GPRASP1: variants seen among roughly 807,000 people sequenced by gnomAD.
The protein encoded by GPRASP1 is G protein-coupled receptor-associated sorting protein 1.
In GPRASP1, 28 loss-of-function variants were observed where a neutral mutation model predicts 68.4. That is an observed-to-expected ratio of 0.41 (90% CI 0.30 to 0.56). GPRASP1 has a LOEUF of 0.56. GPRASP1 is among the 20% of genes least tolerant of loss of function. GPRASP1 has a pLI of 0.29. For missense variants in GPRASP1, 913 were observed against 1,031.5 expected (o/e 0.89, Z 1.57); for synonymous variants, 304 against 358.2 (o/e 0.85, Z 1.71).
At position 102,656,237 on chromosome X, in the gene GPRASP1, A is replaced by G. The variant is rs760436599; in HGVS notation, c.2324A>G (p.Glu775Gly). The change falls in exon 6 of 6, where the codon GAG (glutamate) becomes GGG (glycine). Residue 775 changes from glutamate to glycine, a missense_variant. Coordinates refer to ENST00000537097, the MANE Select transcript of GPRASP1 (RefSeq NM_001184727.2). Reference sequence around the variant, plus strand: ...GAAGAGTCCAGGCCAGAAGCTGAGGAGGGGGACATTATTGGTTCTTGGTTC... The same window carrying G: ...GAAGAGTCCAGGCCAGAAGCTGAGGGGGGGGACATTATTGGTTCTTGGTTC... ...DREESRPEAEEGDIIGSWFWA... is the reference protein window; with the variant it reads ...DREESRPEAEGGDIIGSWFWA... 1 of 1,209,690 alleles carries G rather than the reference A, an allele frequency of 8.3e-7. No homozygotes were observed. The highest frequency in any genetic ancestry group is 1.1e-6 in the Non-Finnish European group (1 of 895,066).
In GPRASP1 at chrX:102,656,407, T is replaced by C. The variant is rs1481486058; in HGVS notation, c.2494T>C (p.Ser832Pro). 16 of 1,205,990 alleles carry C rather than the reference T, an allele frequency of 1.3e-5. No individual in the cohort carries two copies. The highest frequency in any genetic ancestry group is 1.7e-5 in the Non-Finnish European group (15 of 893,483). Residue 832 changes from serine (S) to proline (P), a missense_variant, in exon 6 of 6, where the codon TCC becomes CCC. Physicochemically the swap from Ser to Pro is moderately conservative, Grantham distance 74 (BLOSUM62 -1). Coordinates refer to ENST00000537097, the MANE Select transcript of GPRASP1 (RefSeq NM_001184727.2). Reference protein sequence around the residue: ...IRREAGSCSKSSPKAEEEEVI... With the variant: ...IRREAGSCSKPSPKAEEEEVI... ...AAGAGAGGCTGGGTCTTGCAGCAAA[T>C]CCAGTCCTAAAGCTGAAGAGGAAGA...
In GPRASP1 at chrX:102,654,829, G is replaced by C. The variant is rs764996943; in HGVS notation, c.916G>C (p.Glu306Gln). 11 of 1,209,930 alleles carry C rather than the reference G, an allele frequency of 9.1e-6. No homozygotes were observed. In the Admixed American group the frequency reaches 1.1e-4, roughly 12 times the overall value. ...TGGATCTGAGCATGAAGACCATTTG[G>C]AGTCCTGGTTTGGGGCTGGAAAGGA... ...SSGSEHEDHL[E>Q]SWFGAGKEAK... The change falls in exon 6 of 6, where the codon GAG becomes CAG. Residue 306 changes from glutamate to glutamine, a missense_variant. Transcript: ENST00000537097.
Position 102,656,059 on chromosome X carries a change from C to A in GPRASP1, c.2146C>A (p.Pro716Thr). 3.3e-6 allele frequency: 4 copies of A among 1,210,422 alleles called. No individual in the cohort carries two copies. Among genetic ancestry groups the A allele is most frequent in the Non-Finnish European group, 4.5e-6 (4 of 894,537 alleles). The change falls in exon 6 of 6, where the codon CCA becomes ACA. Residue 716 changes from proline to threonine, a missense_variant. By Grantham distance (38) the Pro-to-Thr change is conservative (BLOSUM62 -1). Coordinates refer to ENST00000537097, the MANE Select transcript of GPRASP1 (RefSeq NM_001184727.2). Reference sequence around the variant, plus strand: ...GTTCTGGTCCAGAAAATACACAAAGCCAGAGGCCATTATAGGGTCCTGGTT... The same window carrying A: ...GTTCTGGTCCAGAAAATACACAAAGACAGAGGCCATTATAGGGTCCTGGTT... ...SWFWSRKYTK[P>T]EAIIGSWLWA...
rs779452201 is a variant in GPRASP1, at chrX:102,653,703, A to G, written c.-211A>G. On this transcript the variant is annotated 5_prime_UTR_variant, in exon 6 of 6. Coordinates refer to ENST00000537097, the MANE Select transcript of GPRASP1 (RefSeq NM_001184727.2). ...CTTGGTTGTGCCTGTTCTACACTCT[A>G]TCTGTATTATTGAATTACTGACTGA... is the stretch of plus-strand genomic sequence containing the variant. The G allele has an allele frequency of 3.9e-5, 16 of 410,206 alleles. No homozygotes were observed. The highest frequency in any genetic ancestry group is 3.1e-4 in the East Asian group (8 of 25,614). The allele number at this position is 410,206 out of a possible 1,213,427, so 33.8% of individuals were successfully genotyped here.
Position 102,655,496 on chromosome X carries a change from C to T in GPRASP1, c.1583C>T (p.Ala528Val), listed in dbSNP as rs776862438. The stretch of plus-strand genomic sequence containing the variant: ...TCGTGGTTCTGGGTCATTGATGCGG[C>T]CAGTGTGGAATCTGGTGTTGGGGTC... Reference protein sequence around the residue: ...FGSWFWVIDAASVESGVGVSC... With the variant: ...FGSWFWVIDAVSVESGVGVSC... The change falls in exon 6 of 6, where the codon GCC (alanine) becomes GTC (valine). Residue 528 changes from alanine (A) to valine (V), a missense_variant. By Grantham distance (64) the Ala-to-Val change is moderately conservative. Coordinates refer to ENST00000537097, the MANE Select transcript of GPRASP1 (RefSeq NM_001184727.2). 5.0e-6 allele frequency: 6 copies of T among 1,208,989 alleles called. No individual in the cohort carries two copies. The highest frequency in any genetic ancestry group is 6.7e-6 in the Non-Finnish European group (6 of 894,897).
chrX:102,655,264 G>A lies in GPRASP1; in HGVS notation c.1351G>A (p.Ala451Thr), dbSNP rs754461332. 2 of 1,210,443 alleles carry A rather than the reference G, an allele frequency of 1.7e-6. No individual in the cohort carries two copies. Among genetic ancestry groups the A allele is most frequent in the Non-Finnish European group, 2.2e-6 (2 of 895,220 alleles). The change falls in exon 6 of 6, where the codon GCT (alanine) becomes ACT (threonine). Residue 451 changes from alanine to threonine, a missense_variant. By Grantham distance (58) the Ala-to-Thr change is moderately conservative. Coordinates refer to ENST00000537097, the MANE Select transcript of GPRASP1 (RefSeq NM_001184727.2). ...AGAAGAGGCCAGTATGGGGACTGGG[G>A]CTAGCAGTAAATCCAGACCAAGGAC... ...TEEEASMGTG[A>T]SSKSRPRTDG...
chrX:102,656,007 G>A lies in GPRASP1; in HGVS notation c.2094G>A (p.Glu698=). The A allele has an allele frequency of 8.3e-7, 1 of 1,211,639 alleles. No homozygotes were observed. The highest frequency in any genetic ancestry group is 1.1e-6 in the Non-Finnish European group (1 of 895,464). The change falls in exon 6 of 6, where the codon GAG becomes GAA. Residue 698 remains glutamate (E), a synonymous_variant. Coordinates refer to ENST00000537097, the MANE Select transcript of GPRASP1 (RefSeq NM_001184727.2). ...AGGGSWKSRP[E]EEEDIVNSWF... is the part of the protein sequence containing the mutation. ...GAGGAAGTTGGAAGTCTAGGCCAGA[G>A]GAGGAAGAGGACATTGTCAATTCGT...
Position 102,657,818 on chromosome X carries a change from A to G in GPRASP1, c.3905A>G (p.Asn1302Ser). 8.3e-7 allele frequency: 1 copy of G among 1,206,877 alleles called. No individual in the cohort carries two copies. Among genetic ancestry groups the G allele is most frequent in the African/African-American group, 1.7e-5 (1 of 57,794 alleles). Residue 1302 changes from asparagine to serine, a missense_variant, in exon 6 of 6, where the codon AAT becomes AGT. Asn to Ser is a conservative substitution (Grantham distance 46). Coordinates refer to ENST00000537097, the MANE Select transcript of GPRASP1 (RefSeq NM_001184727.2). ...TRFHVLKMLL[N>S]LSENLFMTKE... ...TTTCATGTTTTGAAAATGCTACTGA[A>G]TTTGTCTGAAAATCTTTTCATGACA...
chrX:102,653,511 G>C (rs1208367012), intron 5 of GPRASP1, 69 bp from the exon 6 acceptor site: 8 of 134,017 alleles, frequency 6.0e-5, no homozygotes, highest in Non-Finnish European at 1.2e-4. Flanking sequence ...CAGTCTCACT[G>C]CATATGTCTC....
rs776134683 is a variant in GPRASP1, at chrX:102,655,654, G to A, written c.1741G>A (p.Gly581Arg). ...RPGAEEETIF[G>R]SWFWAENQTY... is the part of the protein sequence containing the mutation. ...AGGAGCTGAAGAAGAGACAATATTC[G>A]GGTCCTGGTTTTGGGCTGAAAACCA... Residue 581 changes from glycine (G) to arginine (R), a missense_variant, in exon 6 of 6, where the codon GGG (glycine) becomes AGG (arginine). Physicochemically the swap from Gly to Arg is moderately radical, Grantham distance 125. Transcript: ENST00000537097. The A allele has an allele frequency of 2.0e-5, 24 of 1,211,502 alleles. No individual in the cohort carries two copies. The highest frequency in any genetic ancestry group is 1.5e-4 in the East Asian group (5 of 33,826).
chrX:102,656,524 G>A lies in GPRASP1; in HGVS notation c.2611G>A (p.Glu871Lys), dbSNP rs866280587. Residue 871 changes from glutamate to lysine, a missense_variant, in exon 6 of 6, where the codon GAA (glutamate) becomes AAA (lysine). Coordinates refer to ENST00000537097, the MANE Select transcript of GPRASP1 (RefSeq NM_001184727.2). The part of the protein sequence containing the change: ...GFESKPGTEE[E>K]EITVGSWFWP... ...TGAGTCAAAGCCTGGGACTGAGGAG[G>A]AAGAAATCACTGTTGGGTCCTGGTT... 2 of 1,208,672 alleles carry A rather than the reference G, an allele frequency of 1.7e-6. No individual in the cohort carries two copies. The highest frequency in any genetic ancestry group is 2.2e-5 in the Admixed American group (1 of 45,695).
chrX:102,656,031 G>A lies in GPRASP1; in HGVS notation c.2118G>A (p.Ser706=), dbSNP rs778207251. 3.1e-5 allele frequency: 37 copies of A among 1,211,365 alleles called. No homozygotes were observed. Among genetic ancestry groups the A allele is most frequent in the Non-Finnish European group, 3.8e-5 (34 of 895,224 alleles). ...RPEEEEDIVN[S]WFWSRKYTKP... ...AGGAGGAAGAGGACATTGTCAATTC[G>A]TGGTTCTGGTCCAGAAAATACACAA... The change falls in exon 6 of 6, where the codon TCG becomes TCA. Residue 706 remains serine (S), a synonymous_variant. Transcript: ENST00000537097.
At position 102,656,228 on chromosome X, in the gene GPRASP1, A is replaced by C. The variant is rs1197437855; in HGVS notation, c.2315A>C (p.Glu772Ala). The C allele has an allele frequency of 1.7e-6, 2 of 1,209,708 alleles. No individual in the cohort carries two copies. The highest frequency in any genetic ancestry group is 3.5e-5 in the African/African-American group (2 of 57,099). Reference sequence around the variant, plus strand: ...ACTGACAGAGAAGAGTCCAGGCCAGAAGCTGAGGAGGGGGACATTATTGGT... The same window carrying C: ...ACTGACAGAGAAGAGTCCAGGCCAGCAGCTGAGGAGGGGGACATTATTGGT... ...EATDREESRP[E>A]AEEGDIIGSW... The change falls in exon 6 of 6, where the codon GAA becomes GCA. Residue 772 changes from glutamate (E) to alanine (A), a missense_variant. Glu to Ala is a moderately radical substitution (Grantham distance 107). Transcript: ENST00000537097.
In GPRASP1 at chrX:102,653,983, G is replaced by C. The variant is rs770168926; in HGVS notation, c.70G>C (p.Gly24Arg). 1.7e-6 allele frequency: 2 copies of C among 1,211,664 alleles called. No individual in the cohort carries two copies. The highest frequency in any genetic ancestry group is 3.5e-5 in the South Asian group (2 of 56,998). ...AAAGAAGCCTGGGGAAGAGGTTGTA[G>C]GTGGGGCTGAGATAGAGAATGATGT... ...PEKKPGEEVV[G>R]GAEIENDVPL... Residue 24 changes from glycine to arginine, a missense_variant, in exon 6 of 6, where the codon GGT becomes CGT. Transcript: ENST00000537097.
At position 102,656,285 on chromosome X, in the gene GPRASP1, T is replaced by C. The variant is rs138480836; in HGVS notation, c.2372T>C (p.Leu791Pro). 814 of 1,201,359 alleles carry C rather than the reference T, an allele frequency of 6.8e-4. No homozygotes were observed. Among genetic ancestry groups the C allele is most frequent in the Non-Finnish European group, 8.8e-4 (789 of 891,790 alleles). ...TTCTGGGCTGGAGAAGAGGACAGAC[T>C]AGAGCCAGCTGCTGAGACTAGAGAA... Reference protein sequence around the residue: ...SWFWAGEEDRLEPAAETREED... With the variant: ...SWFWAGEEDRPEPAAETREED... The change falls in exon 6 of 6, where the codon CTA becomes CCA. Residue 791 changes from leucine to proline, a missense_variant. Coordinates refer to ENST00000537097, the MANE Select transcript of GPRASP1 (RefSeq NM_001184727.2).
Position 102,655,088 on chromosome X carries a change from G to C in GPRASP1, c.1175G>C (p.Arg392Thr). Residue 392 changes from arginine to threonine, a missense_variant, in exon 6 of 6, where the codon AGG becomes ACG. Transcript: ENST00000537097. ...GAGGCCAAAACCAAGGCCCGAGCCA[G>C]GGCCAAGCAAGAAGCCAGGTCAGAG... is the stretch of plus-strand genomic sequence containing the variant. ...KEEAKTKARA[R>T]AKQEARSEEE... 1 of 1,212,253 alleles carries C rather than the reference G, an allele frequency of 8.2e-7. No individual in the cohort carries two copies.
At chrX:102,653,519 C>T (rs1451445862) in intron 5 of GPRASP1, 61 bp from the exon 6 acceptor site, 1 of 139,268 alleles carries the variant, frequency 7.2e-6, no homozygotes, top group Admixed American at 7.6e-5. Context: ...CTGCATATGT[C>T]TCTGCATGGG....
rs943902300 is a variant in GPRASP1 at position 102,652,204 on chromosome X, G to A, written c.-542G>A. ...GGCGTATTCTGACAGGACACAGTGA[G>A]CATCTGTAGAGGAGAGGCTTGAAAT... On this transcript the variant is annotated 5_prime_UTR_variant, in exon 3 of 6. Coordinates refer to ENST00000537097, the MANE Select transcript of GPRASP1 (RefSeq NM_001184727.2). The A allele has an allele frequency of 8.9e-6, 1 of 112,922 alleles. No individual in the cohort carries two copies. Among genetic ancestry groups the A allele is most frequent in the African/African-American group, 3.2e-5 (1 of 31,039 alleles). 9.3% of individuals were successfully genotyped at this position (112,922 alleles called of 1,213,427 possible).
Position 102,658,777 on chromosome X carries a change from A to G in GPRASP1, c.*676A>G, listed in dbSNP as rs1456932070. On this transcript the variant is annotated 3_prime_UTR_variant, in exon 6 of 6. Transcript: ENST00000537097. ...TATATTGAGCAACATAGAGGATGAC[A>G]TAAGTTTTAAAGAGCTGAGGATTTG... 8.2e-6 allele frequency: 1 copy of G among 122,574 alleles called. No individual in the cohort carries two copies. The highest frequency in any genetic ancestry group is 9.6e-5 in the Admixed American group (1 of 10,387). The allele number at this position is 122,574 out of a possible 1,213,427, so 10.1% of individuals were successfully genotyped here.
Sources: gnomAD v4.1 joint callset for allele counts on GRCh38, gnomAD v4.1.1 for gene constraint, MANE v1.5 for transcripts, NCBI Gene and HGNC (gene_info 2026-07-23, HGNC 2026-07-21) for gene names.